Variants in THSD4 observed in about 807,000 individuals in gnomAD.
THSD4 encodes thrombospondin type 1 domain containing 4.
In THSD4, 69 loss-of-function variants were observed where a neutral mutation model predicts 119.0. The ratio of observed to expected loss-of-function variants is 0.58; its 90% CI spans 0.48 to 0.71. The LOEUF (loss-of-function observed/expected upper bound fraction) is 0.71, where lower values mean the gene tolerates loss of function less well. THSD4 is among the 30% of genes least tolerant of loss of function. The pLI, the probability that THSD4 is intolerant of heterozygous loss-of-function variation, is 0.00. For missense variants in THSD4, 1,393 were observed against 1,391.1 expected (o/e 1.00, Z -0.02); for synonymous variants, 524 against 540.4 (o/e 0.97, Z 0.42).
chr15:71,308,262 C>A (rs1438613385), intron 6 of THSD4, among the ~76,000 whole-genome samples: 1 of 152,192 alleles, frequency 6.6e-6, no homozygotes, highest in Non-Finnish European at 1.5e-5. Flanking sequence ...GTTTGAGCAT[C>A]GCAGGCCTGC....
intron 6 of THSD4, among the ~76,000 whole-genome samples, chr15:71,267,666 GC>G (rs2044479058): frequency 6.6e-6 from 1 of 152,148 alleles, no homozygotes; most frequent in African/African-American, 2.4e-5. Context: ...ACACAGACTG[GC>G]AAATTGGATA....
intron 2 of THSD4, among the ~76,000 whole-genome samples, chr15:71,153,598 T>G (rs1417351507): frequency 6.6e-6 from 1 of 152,120 alleles, no homozygotes; most frequent in Non-Finnish European, 1.5e-5. Context: ...TGGGGTGGAA[T>G]TTTGGATTCT....
chr15:71,165,054 T>C (rs1480919327), intron 3 of THSD4: 20 of 1,594,734 alleles, frequency 1.3e-5, no homozygotes, highest in Admixed American at 5.0e-5. Context: ...ACATCACCAA[T>C]GGACAGGCCA....
chr15:71,742,448 T>G (rs1031819511), intron 11 of THSD4, among the ~76,000 whole-genome samples: 1 of 152,218 alleles, frequency 6.6e-6, no homozygotes, highest in Non-Finnish European at 1.5e-5. Context: ...ACCTCTACAC[T>G]AGCCCCTGAA....
chr15:71,336,020 T>C (rs992810654), intron 6 of THSD4, among the ~76,000 whole-genome samples: 6 of 152,154 alleles, frequency 3.9e-5, no homozygotes, highest in African/African-American at 1.2e-4. Context: ...ATCTCAATCA[T>C]TGGGGAGAGA....
At chr15:71,629,771 A>G (rs2050585239) in intron 7 of THSD4, among the ~76,000 whole-genome samples, 1 of 152,110 alleles carries the variant, frequency 6.6e-6, no homozygotes, top group Non-Finnish European at 1.5e-5. Flanking sequence ...ATCCCAAATC[A>G]AATCCATCCT....
chr15:71,485,709 A>G (rs1322543974), intron 7 of THSD4, among the ~76,000 whole-genome samples: 1 of 152,146 alleles, frequency 6.6e-6, no homozygotes, highest in African/African-American at 2.4e-5. Flanking sequence ...GAGAGAATAA[A>G]ACTGTTTCCT....
intron 6 of THSD4, among the ~76,000 whole-genome samples, chr15:71,320,611 A>G (rs2045253422): frequency 6.6e-6 from 1 of 152,240 alleles, no homozygotes; most frequent in Non-Finnish European, 1.5e-5. Flanking sequence ...AAGTAGCCCA[A>G]GAAAGCCTGT....
At chr15:71,427,685 G>A (rs1194517332) in intron 7 of THSD4, among the ~76,000 whole-genome samples, 2 of 150,584 alleles carry the variant, frequency 1.3e-5, no homozygotes, top group Non-Finnish European at 3.0e-5. Context: ...GAGTTAATCT[G>A]GTCTACTTCT....
At chr15:71,358,214 C>T (rs1292571017) in intron 6 of THSD4, among the ~76,000 whole-genome samples, 1 of 152,186 alleles carries the variant, frequency 6.6e-6, no homozygotes, top group Non-Finnish European at 1.5e-5. Flanking sequence ...ACGGCATCGG[C>T]CTCCCTCCCC....
chr15:71,496,470 C>T lies in THSD4; in HGVS notation c.1152+84647C>T, dbSNP rs539466268. On this transcript the variant is annotated intron_variant, in intron 7 of 17. Transcript: ENST00000261862. Reference sequence around the variant, plus strand: ...CCTCAGTCTTTTTGTTCTATCACTCCCAGCATGCAGCTTTCATCCAGGTTG... The same window carrying T: ...CCTCAGTCTTTTTGTTCTATCACTCTCAGCATGCAGCTTTCATCCAGGTTG... 3.9e-5 allele frequency among the ~76,000 whole-genome samples: 6 copies of T among 152,234 alleles called. 1 individual carries two copies. Among genetic ancestry groups the T allele is most frequent in the Admixed American group, 2.6e-4 (4 of 15,286 alleles).
chr15:71,716,356 A>G (rs531694392), intron 8 of THSD4, among the ~76,000 whole-genome samples: 2 of 152,298 alleles, frequency 1.3e-5, no homozygotes, highest in South Asian at 4.1e-4. Flanking sequence ...TTCCAGGTGG[A>G]TATGAATTTT....
intron 6 of THSD4, among the ~76,000 whole-genome samples, chr15:71,352,355 C>T (rs1480137171): frequency 2.6e-5 from 4 of 152,190 alleles, no homozygotes; most frequent in African/African-American, 7.2e-5. Flanking sequence ...AAAGCCCTGA[C>T]GGTTGCCAGC....
chr15:71,549,269 G>T (rs973215529), intron 7 of THSD4, among the ~76,000 whole-genome samples: 5 of 152,160 alleles, frequency 3.3e-5, no homozygotes, highest in African/African-American at 1.2e-4. Context: ...CTGCCCCTTT[G>T]TTCCACTCTG....
chr15:71,228,295 T>C (rs2044034289), intron 4 of THSD4, among the ~76,000 whole-genome samples: 1 of 151,914 alleles, frequency 6.6e-6, no homozygotes, highest in Admixed American at 6.6e-5. Context: ...ACTGGAGTGA[T>C]ATAGCCACAG....
intron 3 of THSD4, among the ~76,000 whole-genome samples, chr15:71,212,965 C>A (rs2043899871): frequency 6.6e-6 from 1 of 152,176 alleles, no homozygotes; most frequent in African/African-American, 2.4e-5. Flanking sequence ...GTGGCCCGTG[C>A]CTGCCCATTT....
intron 6 of THSD4, among the ~76,000 whole-genome samples, chr15:71,297,246 T>C (rs2044874942): frequency 6.6e-6 from 1 of 152,208 alleles, no homozygotes; most frequent in African/African-American, 2.4e-5. Context: ...CATGTTTTTG[T>C]GTGCTTATTG....
At chr15:71,628,665 C>T (rs1402793841) in intron 7 of THSD4, among the ~76,000 whole-genome samples, 1 of 152,212 alleles carries the variant, frequency 6.6e-6, no homozygotes, top group Admixed American at 6.5e-5. Flanking sequence ...GCAGGTGACA[C>T]TTTGCGTAAC....
chr15:71,667,257 GA>G (rs34739176), intron 8 of THSD4, among the ~76,000 whole-genome samples: 1 of 151,914 alleles, frequency 6.6e-6, no homozygotes, highest in East Asian at 1.9e-4. Context: ...GCCATTTGGG[GA>G]AAAAAAAGTT....
Sources: allele counts gnomAD v4.1 joint callset (sites outside exome capture counted in the v4.1 genomes callset), GRCh38; gene constraint gnomAD v4.1.1; transcripts MANE v1.5; gene names NCBI Gene and HGNC (gene_info 2026-07-23, HGNC 2026-07-21).